Variants in RANBP17 observed in about 807,000 individuals in gnomAD.
RANBP17 encodes ran-binding protein 17.
In RANBP17, 158 loss-of-function variants were observed where a neutral mutation model predicts 141.2. The ratio of observed to expected loss-of-function variants is 1.12; its 90% confidence interval spans 0.98 to 1.28. RANBP17 has a LOEUF of 1.28. Ranked by LOEUF, RANBP17 falls within the 50% of genes most tolerant of loss-of-function variation. The probability of loss-of-function intolerance (pLI) is 0.00; values close to 1 mark genes in which losing one functional copy is unlikely to be tolerated. For synonymous variants in RANBP17, 430 were observed against 450.0 expected, an observed-to-expected ratio of 0.96 and a Z score of 0.56; for missense variants, 1,438 against 1,290.7, an observed-to-expected ratio of 1.11 and a Z score of -1.75.
At chr5:171,234,226 A>G (rs923435543) in intron 22 of RANBP17, among the ~76,000 whole-genome samples, 4 of 152,170 alleles carry the variant, frequency 2.6e-5, no homozygotes, top group Non-Finnish European at 5.9e-5. Context: ...TAGGCTGAGG[A>G]AACAGCAAGT....
At chr5:170,959,373 A>AG (rs1372302500) in intron 13 of RANBP17, among the ~76,000 whole-genome samples, 3 of 152,172 alleles carry the variant, frequency 2.0e-5, no homozygotes, top group Non-Finnish European at 2.9e-5. Context: ...GTGATGGCCC[A>AG]GAGTATCCTG....
At chr5:171,021,203 A>G (rs765703092) in intron 14 of RANBP17, among the ~76,000 whole-genome samples, 5 of 151,868 alleles carry the variant, frequency 3.3e-5, no homozygotes, top group Admixed American at 6.6e-5. Context: ...TGCCCTTAAC[A>G]TTTTTTTCTG....
chr5:170,973,191 A>G (rs560312076), intron 14 of RANBP17, among the ~76,000 whole-genome samples: 1 of 152,328 alleles, frequency 6.6e-6, no homozygotes, highest in South Asian at 2.1e-4. Flanking sequence ...TAAGGAAAAA[A>G]AATTATAAAA....
Position 171,107,108 on chromosome 5 carries a change from T to C in RANBP17, c.1711-63022T>C, listed in dbSNP as rs149689268. ...GGTTGAAAGCTTTTATTTTATAAGA[T>C]AGACAAAGCAGGAATTATTATTCTC... On this transcript the variant is annotated intron_variant, in intron 14 of 27. Coordinates refer to ENST00000523189, the MANE Select transcript of RANBP17 (RefSeq NM_022897.5). 1.7e-3 allele frequency among the ~76,000 whole-genome samples: 266 copies of C among 152,208 alleles called. 2 individuals carry two copies. The highest frequency in any genetic ancestry group is 6.3e-3 in the African/African-American group (260 of 41,516).
chr5:171,221,763 A>G lies in RANBP17; in HGVS notation c.2345A>G (p.Gln782Arg), dbSNP rs1298621509. Residue 782 changes from glutamine (Q) to arginine (R), a missense_variant, in exon 22 of 28, where the codon CAG becomes CGG. By Grantham distance (43) the Gln-to-Arg change is conservative. Transcript: ENST00000523189. ...LMAELMQNRSQRLNFDVSSPN... is the reference protein window; with the variant it reads ...LMAELMQNRSRRLNFDVSSPN... ...TTTTTTTCTATATTTCTTAGATCCCAGCGTTTGAATTTTGATGTATCATCT... is the reference window on the plus strand; with the variant it reads ...TTTTTTTCTATATTTCTTAGATCCCGGCGTTTGAATTTTGATGTATCATCT... 6.2e-7 allele frequency: 1 copy of G among 1,602,104 alleles called. No homozygotes were observed. The highest frequency in any genetic ancestry group is 8.5e-7 in the Non-Finnish European group (1 of 1,170,532).
intron 14 of RANBP17, among the ~76,000 whole-genome samples, chr5:171,047,192 A>G (rs1381186177): frequency 6.6e-6 from 1 of 151,220 alleles, no homozygotes; most frequent in African/African-American, 2.4e-5. Flanking sequence ...AATTATTTGT[A>G]TTTTTAGTAA....
At chr5:171,216,200 TC>T (rs1763208605) in intron 21 of RANBP17, among the ~76,000 whole-genome samples, 1 of 152,196 alleles carries the variant, frequency 6.6e-6, no homozygotes. Flanking sequence ...TTGTCAAAGA[TC>T]AGATGGTTGT....
chr5:170,917,732 A>G (rs1021606026), intron 9 of RANBP17, among the ~76,000 whole-genome samples: 1 of 152,128 alleles, frequency 6.6e-6, no homozygotes, highest in Admixed American at 6.6e-5. Flanking sequence ...TGTTTAACTC[A>G]CTATCATCAA....
chr5:170,895,794 A>G (rs1452701250), intron 4 of RANBP17, among the ~76,000 whole-genome samples: 2 of 152,198 alleles, frequency 1.3e-5, no homozygotes, highest in African/African-American at 4.8e-5. Context: ...GTTGAGTATC[A>G]TGCATTTATA....
chr5:171,023,331 A>G (rs1392068581), intron 14 of RANBP17, among the ~76,000 whole-genome samples: 4 of 152,176 alleles, frequency 2.6e-5, no homozygotes, highest in Admixed American at 2.6e-4. Context: ...CCTTTGTACT[A>G]TTGTTCTTAT....
intron 2 of RANBP17, among the ~76,000 whole-genome samples, chr5:170,881,144 A>G (rs1768644129): frequency 6.6e-6 from 1 of 152,238 alleles, no homozygotes; most frequent in Non-Finnish European, 1.5e-5. Context: ...TAAAATTGCA[A>G]AAAACATTCT....
intron 14 of RANBP17, among the ~76,000 whole-genome samples, chr5:171,048,456 T>G (rs983821510): frequency 1.3e-5 from 2 of 151,804 alleles, no homozygotes; most frequent in African/African-American, 4.9e-5. Flanking sequence ...TTACTGATGC[T>G]TGGATGTAGA....
chr5:170,990,552 T>A (rs1425964113), intron 14 of RANBP17, among the ~76,000 whole-genome samples: 1 of 151,968 alleles, frequency 6.6e-6, no homozygotes, highest in Non-Finnish European at 1.5e-5. Context: ...CTGAACACTT[T>A]TGAAAGATTA....
At chr5:171,240,126 G>A (rs1056586455) in intron 22 of RANBP17, among the ~76,000 whole-genome samples, 103 of 149,730 alleles carry the variant, frequency 6.9e-4, no homozygotes, top group African/African-American at 2.3e-3. Context: ...CCAGGAAAAA[G>A]CAGAGGTAAG....
At chr5:171,274,149 T>C (rs2964524) in intron 25 of RANBP17, among the ~76,000 whole-genome samples, 47,424 of 126,436 alleles carry the variant, frequency 0.38, 8,772 homozygotes, top group Middle Eastern at 0.55. Context: ...TGTGTGTGTG[T>C]GCGCGCGCGC....
At chr5:170,922,559 C>T (rs541298486) in intron 11 of RANBP17, among the ~76,000 whole-genome samples, 36 of 152,294 alleles carry the variant, frequency 2.4e-4, no homozygotes, top group African/African-American at 8.4e-4. Flanking sequence ...TGCAGCATCG[C>T]AGTTTGATCT....
In RANBP17 at chr5:171,111,578, A is replaced by C. The variant is rs115096492; in HGVS notation, c.1711-58552A>C. Among the ~76,000 whole-genome samples, 1,160 of 152,088 alleles carry C rather than the reference A, an allele frequency of 7.6e-3. 14 individuals are homozygous for C. Among genetic ancestry groups the C allele is most frequent in the African/African-American group, 0.027 (1,108 of 41,482 alleles). On this transcript the variant is annotated intron_variant, in intron 14 of 27. Coordinates refer to ENST00000523189, the MANE Select transcript of RANBP17 (RefSeq NM_022897.5). ...TGAGCCCCATTTCTTTCAAAGTGAA[A>C]CCCAGACCTCCAAGACCTAGCCCAA... is the stretch of plus-strand genomic sequence containing the variant.
At chr5:170,907,396 G>A (rs936921144) in intron 5 of RANBP17, among the ~76,000 whole-genome samples, 2 of 151,920 alleles carry the variant, frequency 1.3e-5, no homozygotes, top group African/African-American at 2.4e-5. Context: ...AAAACATGGA[G>A]TTGTATTTTC....
chr5:171,056,882 G>A (rs965553461), intron 14 of RANBP17, among the ~76,000 whole-genome samples: 3 of 151,892 alleles, frequency 2.0e-5, no homozygotes, highest in Admixed American at 6.6e-5. Context: ...CCAACCAATC[G>A]GTCTCTTTTC....
Sources: gnomAD v4.1 joint callset for allele counts (sites outside exome capture counted in the v4.1 genomes callset) on GRCh38, gnomAD v4.1.1 for gene constraint, MANE v1.5 for transcripts, NCBI Gene and HGNC (gene_info 2026-07-23, HGNC 2026-07-21) for gene names.